Variants in CFAP44 observed in about 807,000 individuals in gnomAD.
CFAP44 encodes cilia- and flagella-associated protein 44.
Under a neutral mutation model 216.2 loss-of-function variants are expected in CFAP44, and 134 were observed. The observed-to-expected ratio is 0.62, with a 90% CI of 0.54 to 0.72. The LOEUF (loss-of-function observed/expected upper bound fraction) is 0.72, where lower values mean the gene tolerates loss of function less well. Ranked by LOEUF, CFAP44 falls within the 30% of genes least tolerant of loss-of-function variation. CFAP44 has a pLI of 0.00. For missense variants in CFAP44, 2,035 were observed against 2,182.1 expected, an observed-to-expected ratio of 0.93 and a Z score of 1.34; for synonymous variants, 700 against 727.6, an observed-to-expected ratio of 0.96 and a Z score of 0.61.
intron 15 of CFAP44, among the ~76,000 whole-genome samples, chr3:113,387,332 T>TG (rs1300467384): frequency 1.3e-5 from 2 of 152,142 alleles, no homozygotes; most frequent in African/African-American, 4.8e-5. Context: ...GACTTGGTCT[T>TG]GCAACTTGGA....
chr3:113,376,510 G>A (rs1448266265), intron 17 of CFAP44, among the ~76,000 whole-genome samples: 1 of 152,220 alleles, frequency 6.6e-6, no homozygotes, highest in Non-Finnish European at 1.5e-5. Context: ...CTGCACATGA[G>A]AAGCCAGCAA....
At chr3:113,335,446 C>T (rs1950273939) in intron 24 of CFAP44, among the ~76,000 whole-genome samples, 1 of 152,136 alleles carries the variant, frequency 6.6e-6, no homozygotes, top group African/African-American at 2.4e-5. Context: ...CAAAGAAATG[C>T]TTCTGGAAAT....
chr3:113,387,581 G>A (rs1933683125), intron 15 of CFAP44, among the ~76,000 whole-genome samples: 1 of 152,022 alleles, frequency 6.6e-6, no homozygotes, highest in Non-Finnish European at 1.5e-5. Context: ...TGAGACTCTG[G>A]GACAAGCTGG....
At chr3:113,412,202 A>C (rs1028117335) in intron 6 of CFAP44, among the ~76,000 whole-genome samples, 2 of 152,308 alleles carry the variant, frequency 1.3e-5, no homozygotes, top group Admixed American at 6.5e-5. Flanking sequence ...GAATTCAATT[A>C]GGAAAAGAGG....
At chr3:113,427,115 T>A in intron 3 of CFAP44, 72 bp downstream of exon 3, 1 of 1,490,968 alleles carries the variant, frequency 6.7e-7, no homozygotes, top group Non-Finnish European at 9.2e-7. Flanking sequence ...TATGGATTTA[T>A]AACTCTTCCA....
chr3:113,355,233 A>T (rs1397662910), intron 22 of CFAP44, among the ~76,000 whole-genome samples: 1 of 152,034 alleles, frequency 6.6e-6, no homozygotes, highest in African/African-American at 2.4e-5. Context: ...TGAAAAAAAA[A>T]ATTTAAGCCA....
chr3:113,332,576 A>G lies in CFAP44; in HGVS notation c.3615+830T>C, dbSNP rs572693064. Among the ~76,000 whole-genome samples, 52 of 152,312 alleles carry G rather than the reference A, an allele frequency of 3.4e-4. 1 individual carries two copies. The highest frequency in any genetic ancestry group is 3.4e-3 in the Admixed American group (52 of 15,294). On this transcript the variant is annotated intron_variant, in intron 25 of 34. Transcript: ENST00000393845. ...GGTTACGATGTATCGAGTTCTCCTA[A>G]AAGTAGTAGCTCAGATGACCTTTAA...
intron 32 of CFAP44, among the ~76,000 whole-genome samples, chr3:113,303,343 G>C (rs2107791718): frequency 6.6e-6 from 1 of 152,172 alleles, no homozygotes; most frequent in East Asian, 1.9e-4. Context: ...ATCAATAGGA[G>C]GCTAAATAAA....
At chr3:113,429,392 T>G (rs974010598) in intron 2 of CFAP44, among the ~76,000 whole-genome samples, 15 of 152,188 alleles carry the variant, frequency 9.9e-5, no homozygotes, top group Admixed American at 6.5e-4. Context: ...CTGGTAGTAC[T>G]CTTTGCCTTG....
In CFAP44 at chr3:113,330,192, G is replaced by A. The variant is rs1463633406; in HGVS notation, c.4092C>T (p.Tyr1364=). The change falls in exon 26 of 35, where the codon TAC becomes TAT. Residue 1364 remains tyrosine (Y), a synonymous_variant. Transcript: ENST00000393845. The part of the protein sequence containing the change: ...IMKRDEIKHV[Y]MQQYLVNRIK... ...CCCTGTTGACCAAATACTGTTGCAT[G>A]TACACGTGTTTAATCTCGTCTCTCT... is the stretch of plus-strand genomic sequence containing the variant. 20 of 1,536,738 alleles carry A rather than the reference G, an allele frequency of 1.3e-5. No individual in the cohort carries two copies. The highest frequency in any genetic ancestry group is 2.4e-5 in the East Asian group (1 of 40,916).
intron 34 of CFAP44, among the ~76,000 whole-genome samples, chr3:113,293,303 A>ACAT (rs1193949947): frequency 6.6e-6 from 1 of 152,210 alleles, no homozygotes; most frequent in Non-Finnish European, 1.5e-5. Context: ...ATTCCTGCCT[A>ACAT]CATCATTGTA....
chr3:113,373,586 G>C, intron 17 of CFAP44, 30 bp from the exon 18 acceptor site: 1 of 1,488,278 alleles, frequency 6.7e-7, no homozygotes, highest in Non-Finnish European at 9.0e-7. Flanking sequence ...CATAGAAGGT[G>C]GTACTTGAAT....
chr3:113,326,558 T>G lies in CFAP44; in HGVS notation c.4403A>C (p.Tyr1468Ser), dbSNP rs765000269. The G allele has an allele frequency of 2.7e-5, 42 of 1,533,276 alleles. No homozygotes were observed. The East Asian group carries it at 1.0e-3, about 37-fold the overall frequency. The allele number at this position is 1,533,276 out of a possible 1,614,324, so 95.0% of individuals were successfully genotyped here. A position where few individuals can be genotyped will look rare whatever the true frequency, so the allele number is the denominator to read the frequency against. ...TCCAATGGCTGCTTGAAAACCAGCA[T>G]AGAGTGCCTTTTCTTGCTCCTGGAG... ...TKLQEQEKAL[Y>S]AGFQAAIGEN... Residue 1468 changes from tyrosine (Y) to serine (S), a missense_variant, in exon 28 of 35, where the codon TAT becomes TCT. Tyr to Ser is a moderately radical substitution (Grantham distance 144). This residue lies in a region of CFAP44 where 1,883 missense variants were observed against 2,023.7 expected (regional missense o/e 0.93). Coordinates refer to ENST00000393845, the MANE Select transcript of CFAP44 (RefSeq NM_001164496.2).
At chr3:113,358,350 T>C (rs757596427) in intron 22 of CFAP44, among the ~76,000 whole-genome samples, 6 of 152,018 alleles carry the variant, frequency 3.9e-5, no homozygotes, top group Non-Finnish European at 8.8e-5. Context: ...CCCCTGGAAG[T>C]CAAATTGGTG....
intron 17 of CFAP44, among the ~76,000 whole-genome samples, chr3:113,377,272 G>T (rs1430534311): frequency 6.6e-6 from 1 of 152,172 alleles, no homozygotes; most frequent in Non-Finnish European, 1.5e-5. Context: ...ACTTCAAAAT[G>T]AAACTGGTTT....
At chr3:113,401,348 G>A in intron 10 of CFAP44, 61 bp from the exon 11 acceptor site, 2 of 1,450,870 alleles carry the variant, frequency 1.4e-6, no homozygotes, top group Non-Finnish European at 1.9e-6. Context: ...TTTTTTAAAT[G>A]TTCTTTCTAT....
chr3:113,380,547 C>T (rs1024033661), intron 16 of CFAP44, among the ~76,000 whole-genome samples: 2 of 152,146 alleles, frequency 1.3e-5, no homozygotes, highest in Non-Finnish European at 2.9e-5. Flanking sequence ...CCTCCCACCT[C>T]AGCCTCCCAA....
chr3:113,346,177 G>C lies in CFAP44; in HGVS notation c.3066-1465C>G, dbSNP rs185308499. ...ACTCTGTAAAAACGCACCAATCAGC[G>C]CTCTGTGTCTAGCTAAAGGATTGTA... On this transcript the variant is annotated intron_variant, in intron 22 of 34. Coordinates refer to ENST00000393845, the MANE Select transcript of CFAP44 (RefSeq NM_001164496.2). Among the ~76,000 whole-genome samples the C allele has an allele frequency of 1.1e-3, 172 of 150,564 alleles. 1 individual carries two copies. The highest frequency in any genetic ancestry group is 3.2e-3 in the African/African-American group (131 of 41,012).
At chr3:113,407,282 T>A (rs1934314126) in intron 7 of CFAP44, among the ~76,000 whole-genome samples, 1 of 152,246 alleles carries the variant, frequency 6.6e-6, no homozygotes, top group Non-Finnish European at 1.5e-5. Context: ...TCTTATATTT[T>A]AGGGCTGTGC....
Sources: allele counts gnomAD v4.1 joint callset (sites outside exome capture counted in the v4.1 genomes callset), GRCh38; gene constraint gnomAD v4.1.1; regional missense constraint gnomAD v4.1.1; transcripts MANE v1.5; gene names NCBI Gene and HGNC (gene_info 2026-07-23, HGNC 2026-07-21).